Variants in LIPA observed in about 807,000 individuals in gnomAD.
LIPA encodes the protein lysosomal acid lipase/cholesteryl ester hydrolase.
In LIPA, 26 loss-of-function variants were observed where a neutral mutation model predicts 40.6. That is an observed-to-expected ratio of 0.64 (90% CI 0.47 to 0.89). The LOEUF is 0.89. Among genes scored for constraint, LIPA ranks in the 40% least tolerant of loss-of-function variants. The pLI, the probability that LIPA is intolerant of heterozygous loss-of-function variation, is 0.00. For missense variants in LIPA, 455 were observed against 479.6 expected (o/e 0.95, Z 0.48); for synonymous variants, 188 against 168.4 (o/e 1.12, Z -0.90).
At chr10:89,320,358 A>G (rs1843564583) in intron 1 of LIPA, among the ~76,000 whole-genome samples, 1 of 152,256 alleles carries the variant, frequency 6.6e-6, no homozygotes, top group African/African-American at 2.4e-5. Context: ...CTGATAAGCA[A>G]CTTCAGCAAA....
intron 1 of LIPA, among the ~76,000 whole-genome samples, chr10:89,295,361 G>T (rs1843407425): frequency 6.6e-6 from 1 of 152,106 alleles, no homozygotes; most frequent in Non-Finnish European, 1.5e-5. Context: ...AAAAAAGAGG[G>T]TCAAATTTTT....
intron 2 of LIPA, among the ~76,000 whole-genome samples, chr10:89,380,054 A>C (rs1005706349): frequency 1.3e-5 from 2 of 151,878 alleles, no homozygotes; most frequent in Admixed American, 6.6e-5. Flanking sequence ...AAAAAACAAA[A>C]GGTATTAGTT....
intron 1 of LIPA, among the ~76,000 whole-genome samples, chr10:89,289,458 C>A (rs1233954955): frequency 6.6e-6 from 1 of 152,196 alleles, no homozygotes; most frequent in Non-Finnish European, 1.5e-5. Flanking sequence ...TGACTTTACT[C>A]ACATGCTTCA....
At chr10:89,268,378 G>A (rs576277922) in intron 1 of LIPA, among the ~76,000 whole-genome samples, 2 of 152,236 alleles carry the variant, frequency 1.3e-5, no homozygotes, top group South Asian at 4.1e-4. Context: ...GCACTCAATA[G>A]ATGTTAGTTG....
Position 89,261,976 on chromosome 10 carries a change from G to C in LIPA, c.-1-14327C>G, listed in dbSNP as rs185776608. On this transcript the variant is annotated intron_variant, in intron 1 of 5. Coordinates refer to the LIPA transcript ENST00000282673. Reference sequence around the variant, plus strand: ...CCTCTTTTACTTCAGGCCTGCTTAAGATGAAGTCCAGCCATGGGAAGGGGT... The same window carrying C: ...CCTCTTTTACTTCAGGCCTGCTTAACATGAAGTCCAGCCATGGGAAGGGGT... Among the ~76,000 whole-genome samples the C allele has an allele frequency of 6.6e-5, 10 of 152,292 alleles. No homozygotes were observed. The East Asian group carries it at 1.9e-3, about 29-fold the overall frequency.
chr10:89,412,695 A>G (rs1304926417), intron 2 of LIPA: 1 of 420,524 alleles, frequency 2.4e-6, no homozygotes, highest in Non-Finnish European at 4.7e-6. Context: ...CACCGGGAGG[A>G]ACGAACAACT....
intron 2 of LIPA, among the ~76,000 whole-genome samples, chr10:89,381,912 A>G (rs1162908583): frequency 6.6e-6 from 1 of 152,002 alleles, no homozygotes; most frequent in Non-Finnish European, 1.5e-5. Flanking sequence ...CAGCCTCCAG[A>G]GTAGCTGGGA....
At chr10:89,336,836 A>T (rs935942199) in intron 1 of LIPA, among the ~76,000 whole-genome samples, 9 of 152,332 alleles carry the variant, frequency 5.9e-5, no homozygotes, top group Admixed American at 2.0e-4. Context: ...TTCCAATCTT[A>T]TGGTGCCGTG....
chr10:89,245,938 G>T, intron 2 of LIPA, 145 bp from the exon 3 acceptor site: 1 of 697,956 alleles, frequency 1.4e-6, no homozygotes. Context: ...AAATCTAGTA[G>T]CCAACTTCTC....
At chr10:89,359,815 T>A (rs201133344) in intron 2 of LIPA, among the ~76,000 whole-genome samples, 2,931 of 146,094 alleles carry the variant, frequency 0.02, 39 homozygotes, top group African/African-American at 0.037. Flanking sequence ...TCTCTCTCTC[T>A]CACACACACA....
chr10:89,334,646 C>A (rs894108601), intron 1 of LIPA, among the ~76,000 whole-genome samples: 3 of 151,688 alleles, frequency 2.0e-5, no homozygotes, highest in Non-Finnish European at 4.4e-5. Context: ...GCGCCTGCCA[C>A]CACGCCCGGC....
intron 2 of LIPA, among the ~76,000 whole-genome samples, chr10:89,408,955 G>A (rs1841447331): frequency 6.6e-6 from 1 of 152,124 alleles, no homozygotes; most frequent in Admixed American, 6.5e-5. Context: ...AACATCTGTT[G>A]ACCTGTGTTC....
Position 89,226,974 on chromosome 10 carries a change from T to C in LIPA, c.459A>G (p.Pro153=), listed in dbSNP as rs762646420. The change falls in exon 5 of 10, where the codon CCA becomes CCG. Residue 153 remains proline (P), a synonymous_variant. Coordinates refer to ENST00000336233, the MANE Select transcript of LIPA (RefSeq NM_000235.4). ...SYDEMAKYDL[P]ASINFILNKT... ...TATTCAGAATGAAGTTAATGGAAGC[T>C]GGTAGGTCATATTTTGCCATCTCAT... The C allele has an allele frequency of 4.3e-6, 7 of 1,612,934 alleles. No homozygotes were observed. The African/African-American group carries it at 9.3e-5, about 22-fold the overall frequency.
At chr10:89,392,545 T>A in intron 2 of LIPA, 1 of 390,410 alleles carries the variant, frequency 2.6e-6, no homozygotes, top group Non-Finnish European at 4.4e-6. Flanking sequence ...GTTTCCAACT[T>A]GCAAGGACAC....
At chr10:89,343,592 T>TGAA (rs1843890991), upstream of LIPA, among the ~76,000 whole-genome samples, 1 of 152,204 alleles carries the variant, frequency 6.6e-6, no homozygotes, top group South Asian at 2.1e-4. Flanking sequence ...TCCAATGTCT[T>TGAA]TCAGTTCAAA....
chr10:89,328,393 C>A (rs779891087), intron 1 of LIPA, among the ~76,000 whole-genome samples: 1 of 152,140 alleles, frequency 6.6e-6, no homozygotes, highest in Non-Finnish European at 1.5e-5. Flanking sequence ...TTGGCAGGAG[C>A]GGTGTATTTC....
In LIPA at chr10:89,222,568, T is replaced by C. The variant is rs2133424899; in HGVS notation, c.837A>G (p.Val279=). 1 of 1,599,586 alleles carries C rather than the reference T, an allele frequency of 6.3e-7. No individual in the cohort carries two copies. Among genetic ancestry groups the C allele is most frequent in the South Asian group, 1.1e-5 (1 of 90,784 alleles). The change falls in exon 8 of 10, where the codon GTA becomes GTG. Residue 279 remains valine, a synonymous_variant. Transcript: ENST00000336233. ...TTCCAGCAGGAGAATGTGTTGTATA[T>C]ACATCCACTCTAGACTGCAAAATAA... ...ERNLNMSRVD[V]YTTHSPAGTS...
rs143899879 is a variant in LIPA, at chr10:89,323,992, G to A, written c.-2+18619C>T. Among the ~76,000 whole-genome samples, 5 of 152,238 alleles carry A rather than the reference G, an allele frequency of 3.3e-5. No individual in the cohort carries two copies. The East Asian group carries it at 9.6e-4, about 29-fold the overall frequency. On this transcript the variant is annotated intron_variant, in intron 1 of 5. Coordinates refer to the LIPA transcript ENST00000282673. Reference sequence around the variant, plus strand: ...AGCAATCCTAAGCAAAAAGAACAAAGCTGGAGGCATCATGTTACCTGACTT... The same window carrying A: ...AGCAATCCTAAGCAAAAAGAACAAAACTGGAGGCATCATGTTACCTGACTT...
rs367875097 is a variant in LIPA, at chr10:89,339,763, T to C, written c.-2+2848A>G. On this transcript the variant is annotated intron_variant, in intron 1 of 5. Transcript: ENST00000282673. The stretch of plus-strand genomic sequence containing the variant: ...TCAGCGCTACTGCAACCTTCAGAAA[T>C]ATAATGGGAAGTCTGAAGACACTGC... 7 of 1,614,016 alleles carry C rather than the reference T, an allele frequency of 4.3e-6. No individual in the cohort carries two copies. The African/African-American group carries it at 9.3e-5, about 22-fold the overall frequency.
Sources: gnomAD v4.1 joint callset for allele counts (sites outside exome capture counted in the v4.1 genomes callset) on GRCh38, gnomAD v4.1.1 for gene constraint, MANE v1.5 for transcripts, NCBI Gene and HGNC (gene_info 2026-07-23, HGNC 2026-07-21) for gene names.